The following PACRG variants were observed in gnomAD, a reference collection of about 807,000 sequenced individuals.
The protein encoded by PACRG is parkin coregulated gene protein.
A neutral mutation model predicts 29.7 loss-of-function variants in PACRG; 29 were observed. That is an observed-to-expected ratio of 0.98 (90% CI 0.73 to 1.33). The LOEUF (loss-of-function observed/expected upper bound fraction) is 1.33, where lower values mean the gene tolerates loss of function less well. PACRG is among the 40% of genes most tolerant of loss of function. PACRG has a pLI of 0.00. For synonymous variants in PACRG, 116 were observed against 118.7 expected (o/e 0.98, Z 0.15); for missense variants, 279 against 316.2 (o/e 0.88, Z 0.89).
chr6:163,215,452 A>T (rs1419116298), intron 4 of PACRG, among the ~76,000 whole-genome samples: 1 of 152,324 alleles, frequency 6.6e-6, no homozygotes, highest in South Asian at 2.1e-4. Context: ...AGTAGATTCC[A>T]TTCTCCTTGA....
In PACRG at chr6:162,950,261, G is replaced by A. The variant is rs373289629; in HGVS notation, c.292-111889G>A. On this transcript the variant is annotated intron_variant, in intron 2 of 4. Coordinates refer to ENST00000366888, the MANE Select transcript of PACRG (RefSeq NM_001080379.2). ...GCCTATAATCCCAGCACTTTGGGAG[G>A]CCGAGACGGGTGGATCGTGAGGTCA... Among the ~76,000 whole-genome samples the A allele has an allele frequency of 4.6e-5, 7 of 152,290 alleles. No individual in the cohort carries two copies. In the South Asian group the frequency reaches 1.4e-3, roughly 32 times the overall value.
chr6:163,227,245 C>T (rs899777685), intron 4 of PACRG, among the ~76,000 whole-genome samples: 1 of 152,060 alleles, frequency 6.6e-6, no homozygotes, highest in Non-Finnish European at 1.5e-5. Context: ...AGTAGGAGCA[C>T]GCACATCACA....
chr6:162,914,501 C>CTTTTTTTTTTT (rs1584744159), intron 2 of PACRG, among the ~76,000 whole-genome samples: 2 of 73,208 alleles, frequency 2.7e-5, no homozygotes, highest in South Asian at 4.8e-4. Context: ...AAGTTTTGTA[C>CTTTTTTTTTTT]TTTTTTGTTT....
At chr6:163,003,655 G>A (rs1804781490) in intron 2 of PACRG, among the ~76,000 whole-genome samples, 1 of 151,626 alleles carries the variant, frequency 6.6e-6, no homozygotes. Context: ...GGAATTTTTT[G>A]GCTTATCAAC....
intron 4 of PACRG, among the ~76,000 whole-genome samples, chr6:163,220,399 G>A (rs1461214025): frequency 2.0e-5 from 3 of 152,178 alleles, no homozygotes; most frequent in Non-Finnish European, 2.9e-5. Context: ...CTAAGCGGGG[G>A]CAAGTGGGGC....
At chr6:163,101,221 T>C (rs1300305809) in intron 4 of PACRG, 1 of 980,208 alleles carries the variant, frequency 1.0e-6, no homozygotes, top group East Asian at 1.1e-4. Flanking sequence ...TGTCACAAAC[T>C]AAAAAACTAA....
chr6:163,308,292 A>G (rs1288682932), intron 4 of PACRG, among the ~76,000 whole-genome samples: 1 of 152,378 alleles, frequency 6.6e-6, no homozygotes, highest in East Asian at 1.9e-4. Context: ...ATTTCTGCTT[A>G]AAAAACAAGG....
intron 2 of PACRG, among the ~76,000 whole-genome samples, chr6:162,983,029 T>C (rs945310661): frequency 1.3e-5 from 2 of 152,090 alleles, no homozygotes; most frequent in Admixed American, 6.6e-5. Context: ...ATTTTCCTGT[T>C]GAACGGATCC....
intron 1 of PACRG, among the ~76,000 whole-genome samples, chr6:162,753,256 T>C (rs1240613501): frequency 6.7e-6 from 1 of 150,084 alleles, no homozygotes; most frequent in Non-Finnish European, 1.5e-5. Flanking sequence ...TCCCTCCCTC[T>C]CCACCCCCAC....
intron 2 of PACRG, among the ~76,000 whole-genome samples, chr6:162,835,634 T>C (rs973201822): frequency 6.6e-6 from 1 of 152,066 alleles, no homozygotes; most frequent in Non-Finnish European, 1.5e-5. Context: ...AACCGAAGGG[T>C]TTGTGAAATT....
At chr6:163,261,943 C>T (rs1334728575) in intron 4 of PACRG, among the ~76,000 whole-genome samples, 1 of 152,112 alleles carries the variant, frequency 6.6e-6, no homozygotes, top group Admixed American at 6.5e-5. Context: ...CCCAGGAATA[C>T]GGTGGGACAA....
chr6:162,917,294 G>A (rs1046779560), intron 2 of PACRG, among the ~76,000 whole-genome samples: 1 of 152,142 alleles, frequency 6.6e-6, no homozygotes, highest in Non-Finnish European at 1.5e-5. Flanking sequence ...AACTCAAACT[G>A]TGGCTGCTGT....
intron 2 of PACRG, among the ~76,000 whole-genome samples, chr6:163,053,145 A>G (rs530293106): frequency 6.6e-6 from 1 of 152,220 alleles, no homozygotes; most frequent in Admixed American, 6.5e-5. Context: ...TTATCCTAAG[A>G]ATGAAAAATT....
At chr6:162,849,422 C>T (rs1790679575) in intron 2 of PACRG, among the ~76,000 whole-genome samples, 2 of 152,342 alleles carry the variant, frequency 1.3e-5, no homozygotes, top group Admixed American at 1.3e-4. Context: ...GCCCCATTCC[C>T]AGTGCCTGCT....
At chr6:163,026,091 A>G (rs1807103849) in intron 2 of PACRG, among the ~76,000 whole-genome samples, 3 of 152,228 alleles carry the variant, frequency 2.0e-5, no homozygotes, top group East Asian at 3.8e-4. Flanking sequence ...TTCAACCTAT[A>G]CTATAAGACT....
rs953478546 is a variant in PACRG at position 162,966,693 on chromosome 6, G to C, written c.292-95457G>C. Among the ~76,000 whole-genome samples the C allele has an allele frequency of 2.0e-5, 3 of 151,946 alleles. No individual in the cohort carries two copies. The East Asian group carries it at 5.8e-4, about 29-fold the overall frequency. On this transcript the variant is annotated intron_variant, in intron 2 of 4. Coordinates refer to ENST00000366888, the MANE Select transcript of PACRG (RefSeq NM_001080379.2). ...AGGTTTCACCGTGTTAGCCAGGATG[G>C]TCTCGATCTCCTGACCTCGTGATCC...
intron 4 of PACRG, among the ~76,000 whole-genome samples, chr6:163,222,567 G>A (rs1412042241): frequency 6.6e-6 from 1 of 152,150 alleles, no homozygotes; most frequent in Non-Finnish European, 1.5e-5. Context: ...GTGAGAGTGA[G>A]ACCTTGTCTC....
chr6:163,198,759 T>C (rs1181725177), intron 4 of PACRG, among the ~76,000 whole-genome samples: 2 of 152,256 alleles, frequency 1.3e-5, no homozygotes, highest in African/African-American at 4.8e-5. Context: ...TTGCCAAGGT[T>C]GAGGACACGC....
chr6:163,141,703 C>T (rs911785290), intron 4 of PACRG, among the ~76,000 whole-genome samples: 1 of 151,550 alleles, frequency 6.6e-6, no homozygotes, highest in African/African-American at 2.4e-5. Context: ...AGAGGGGCAT[C>T]GTAGGATAAG....
Sources: allele counts gnomAD v4.1 joint callset (sites outside exome capture counted in the v4.1 genomes callset), GRCh38; gene constraint gnomAD v4.1.1; transcripts MANE v1.5; gene names NCBI Gene and HGNC (gene_info 2026-07-23, HGNC 2026-07-21).